The following EPB41L3 variants were observed in gnomAD, a reference collection of about 807,000 sequenced individuals.
EPB41L3 encodes band 4.1-like protein 3.
In EPB41L3, 57 loss-of-function variants were observed where a neutral mutation model predicts 127.1. The observed-to-expected ratio is 0.45, with a 90% CI of 0.36 to 0.56. EPB41L3 has a LOEUF of 0.56. EPB41L3 is among the 20% of genes least tolerant of loss of function. The pLI, the probability that EPB41L3 is intolerant of heterozygous loss-of-function variation, is 0.00. For synonymous variants in EPB41L3, 572 were observed against 549.5 expected, an observed-to-expected ratio of 1.04 and a Z score of -0.57; for missense variants, 1,273 against 1,372.2, an observed-to-expected ratio of 0.93 and a Z score of 1.14.
intron 3 of EPB41L3, among the ~76,000 whole-genome samples, chr18:5,467,841 GC>G (rs1396780511): frequency 3.1e-4 from 47 of 152,214 alleles, no homozygotes; most frequent in Admixed American, 3.1e-3. Context: ...AGCAGGGGAG[GC>G]GCGGCCAAGA....
At chr18:5,629,952 C>T (rs1452944126), upstream of EPB41L3, among the ~76,000 whole-genome samples, 2 of 152,166 alleles carry the variant, frequency 1.3e-5, no homozygotes, top group Non-Finnish European at 2.9e-5. Flanking sequence ...GGAGGAGTTG[C>T]CCGAGCGGAG....
rs3817466 is a variant in EPB41L3, at chr18:5,410,575, A to G, written c.2112T>C (p.Thr704=). The G allele has an allele frequency of 0.88, 1,425,046 of 1,612,732 alleles. 641,084 individuals carry two copies. Among genetic ancestry groups the G allele is most frequent in the Non-Finnish European group, 0.92 (1,084,874 of 1,179,142 alleles). The change falls in exon 14 of 23, where the codon ACT becomes ACC. Residue 704 remains threonine, a synonymous_variant. Transcript: ENST00000341928. ...CAGCCAAAATACCAACCTCAGTGGC[A>G]GTGGTCTCCCCGTCGGCTGCGGTGT... ...RTDTAADGET[T]ATESDQEEDA... is the part of the protein sequence containing the mutation.
chr18:5,525,361 AT>A (rs1170107516), intron 1 of EPB41L3, among the ~76,000 whole-genome samples: 1 of 152,230 alleles, frequency 6.6e-6, no homozygotes, highest in African/African-American at 2.4e-5. Context: ...GAATAGTAAT[AT>A]TAATAACACA....
intron 1 of EPB41L3, among the ~76,000 whole-genome samples, chr18:5,623,760 G>A (rs555986118): frequency 4.9e-4 from 74 of 151,004 alleles, no homozygotes; most frequent in Middle Eastern, 6.8e-3. Flanking sequence ...TGATTCTCAT[G>A]CCTCAGCCTC....
chr18:5,616,956 G>A (rs375859007), intron 1 of EPB41L3, among the ~76,000 whole-genome samples: 3 of 152,108 alleles, frequency 2.0e-5, no homozygotes, highest in East Asian at 3.9e-4. Context: ...TTGTGTATAC[G>A]TGCAAGAGTT....
chr18:5,537,755 C>T (rs2093613447), intron 1 of EPB41L3, among the ~76,000 whole-genome samples: 1 of 152,158 alleles, frequency 6.6e-6, no homozygotes, highest in Admixed American at 6.5e-5. Flanking sequence ...AATGTCTTCT[C>T]AATGACTAAT....
intron 16 of EPB41L3, 126 bp from the exon 17 acceptor site, chr18:5,398,269 T>G: frequency 1.8e-6 from 2 of 1,095,408 alleles, no homozygotes; most frequent in Non-Finnish European, 2.6e-6. Context: ...AACGAAGGAA[T>G]CTCAGAGTTT....
At chr18:5,441,851 A>G (rs1280372632) in intron 5 of EPB41L3, among the ~76,000 whole-genome samples, 1 of 152,184 alleles carries the variant, frequency 6.6e-6, no homozygotes, top group Non-Finnish European at 1.5e-5. Context: ...AGTCATATAC[A>G]CTGCCTAATC....
At chr18:5,595,031 A>G (rs1328763168) in intron 3 of EPB41L3, among the ~76,000 whole-genome samples, 2 of 152,208 alleles carry the variant, frequency 1.3e-5, no homozygotes, top group Non-Finnish European at 2.9e-5. Context: ...TATGCAATGT[A>G]TTCATTGTTA....
intron 1 of EPB41L3, among the ~76,000 whole-genome samples, chr18:5,532,628 T>C (rs975891064): frequency 2.6e-5 from 4 of 152,184 alleles, no homozygotes; most frequent in African/African-American, 9.7e-5. Context: ...GGAAACCAGG[T>C]CAAAAGATGG....
chr18:5,564,305 C>A (rs756465900), intron 3 of EPB41L3, among the ~76,000 whole-genome samples: 29 of 151,946 alleles, frequency 1.9e-4, no homozygotes, highest in Non-Finnish European at 3.8e-4. Flanking sequence ...GTATGTTTTG[C>A]AGGTATTATT....
chr18:5,520,557 T>TAAAAAA (rs11339935), intron 1 of EPB41L3, among the ~76,000 whole-genome samples: 5 of 105,192 alleles, frequency 4.8e-5, no homozygotes, highest in Non-Finnish European at 6.2e-5. Context: ...TTTCCCAAAA[T>TAAAAAA]AAAAAAAAAA....
At chr18:5,455,945 G>A (rs879473418) in intron 3 of EPB41L3, among the ~76,000 whole-genome samples, 1 of 152,010 alleles carries the variant, frequency 6.6e-6, no homozygotes. Context: ...CCTGAATCAC[G>A]TAAAATAATC....
rs372231412 is a variant in EPB41L3 at position 5,622,344 on chromosome 18, C to A, written c.-468+6578G>T. On this transcript the variant is annotated intron_variant, in intron 1 of 21. Transcript: ENST00000545076. ...TAAATATTATTTCTTGTTCTTACAA[C>A]CACTCTGCTAGATGTGTATTACTAA... 2.3e-3 allele frequency among the ~76,000 whole-genome samples: 347 copies of A among 152,304 alleles called. 1 individual carries two copies. The highest frequency in any genetic ancestry group is 8.0e-3 in the African/African-American group (333 of 41,550).
At chr18:5,431,642 T>C (rs1260958386) in intron 8 of EPB41L3, among the ~76,000 whole-genome samples, 1 of 152,214 alleles carries the variant, frequency 6.6e-6, no homozygotes, top group Non-Finnish European at 1.5e-5. Context: ...TAATCTTTTA[T>C]TTACTTATTT....
intron 1 of EPB41L3, among the ~76,000 whole-genome samples, chr18:5,502,350 A>G (rs1025031191): frequency 6.6e-6 from 1 of 152,086 alleles, no homozygotes; most frequent in Admixed American, 6.5e-5. Flanking sequence ...ATCTTTTAAA[A>G]TTTTTTATAG....
intron 3 of EPB41L3, among the ~76,000 whole-genome samples, chr18:5,469,449 GCCTGGCTGTGTGTA>G (rs879757447): frequency 0.3 from 46,169 of 152,084 alleles, 7,674 homozygotes; most frequent in East Asian, 0.47. Context: ...CAGCCAGCAT[GCCTGGCTGTGTGTA>G]TGCCTGGCTG....
At chr18:5,523,871 T>C (rs2093105376) in intron 1 of EPB41L3, among the ~76,000 whole-genome samples, 1 of 152,162 alleles carries the variant, frequency 6.6e-6, no homozygotes, top group South Asian at 2.1e-4. Flanking sequence ...AAAAACCTTT[T>C]TTAAAAAAAA....
chr18:5,433,889 T>C lies in EPB41L3; in HGVS notation c.824+14A>G, dbSNP rs757530397. 6.2e-7 allele frequency: 1 copy of C among 1,613,830 alleles called. No individual in the cohort carries two copies. The highest frequency in any genetic ancestry group is 8.5e-7 in the Non-Finnish European group (1 of 1,179,688). The stretch of plus-strand genomic sequence containing the variant: ...TCAAGGCACAACTTAAATGAACACC[T>C]TTCTGCCTCTAACCTGTGGCTCTTG... On this transcript the variant is annotated intron_variant, in intron 7 of 22. Coordinates refer to ENST00000341928, the MANE Select transcript of EPB41L3 (RefSeq NM_012307.5).
Sources: allele counts gnomAD v4.1 joint callset (sites outside exome capture counted in the v4.1 genomes callset), GRCh38; gene constraint gnomAD v4.1.1; transcripts MANE v1.5; gene names NCBI Gene and HGNC (gene_info 2026-07-23, HGNC 2026-07-21).